The following NFATC3 variants were observed in gnomAD, a reference collection of about 807,000 sequenced individuals.
The protein encoded by NFATC3 is nuclear factor of activated T-cells, cytoplasmic 3.
Under a neutral mutation model 98.6 loss-of-function variants are expected in NFATC3, and 46 were observed. That is an observed-to-expected ratio of 0.47 (90% confidence interval 0.37 to 0.60). The LOEUF (loss-of-function observed/expected upper bound fraction) is 0.60. Among genes scored for constraint, NFATC3 ranks in the 20% least tolerant of loss-of-function variants. The pLI is 0.00. For synonymous variants in NFATC3, 512 were observed against 472.2 expected (o/e 1.08, Z -1.09); for missense variants, 1,256 against 1,295.5 (o/e 0.97, Z 0.47).
rs1567535582 is a variant in NFATC3 at position 68,178,346 on chromosome 16, C to CTAA, written c.1916-3128_1916-3127insAAT. 2.6e-5 allele frequency among the ~76,000 whole-genome samples: 4 copies of CTAA among 152,284 alleles called. No homozygotes were observed. In the East Asian group the frequency reaches 7.7e-4, roughly 29 times the overall value. On this transcript the variant is annotated intron_variant, in intron 6 of 9. Coordinates refer to ENST00000346183, the MANE Select transcript of NFATC3 (RefSeq NM_173165.3). ...GGAAGTATGTGGCTGTCTTATTCTCCTTTAAAATTAACTTCCCTTCAACCC... is the reference window on the plus strand; with the variant it reads ...GGAAGTATGTGGCTGTCTTATTCTCCTAATTTAAAATTAACTTCCCTTCAACCC...
intron 3 of NFATC3, among the ~76,000 whole-genome samples, chr16:68,135,229 TGGAC>T (rs990398181): frequency 6.6e-6 from 1 of 151,886 alleles, no homozygotes; most frequent in Middle Eastern, 3.2e-3. Flanking sequence ...GAGGCCGAGA[TGGAC>T]GGATCATAAG....
chr16:68,132,464 T>C (rs937964480), intron 3 of NFATC3, among the ~76,000 whole-genome samples: 1 of 152,200 alleles, frequency 6.6e-6, no homozygotes, highest in Non-Finnish European at 1.5e-5. Flanking sequence ...TAAATTAGTA[T>C]AGCCATGATG....
In NFATC3 at chr16:68,228,795, T is replaced by C. The variant is rs891592656; in HGVS notation, c.*2324T>C. On this transcript the variant is annotated 3_prime_UTR_variant, in exon 10 of 10. Coordinates refer to ENST00000346183, the MANE Select transcript of NFATC3 (RefSeq NM_173165.3). ...TGCTAGTACGCACCCCCTCCTACTCTAACTGTGCTAGCTCTTGGGTTGAGG... is the reference window on the plus strand; with the variant it reads ...TGCTAGTACGCACCCCCTCCTACTCCAACTGTGCTAGCTCTTGGGTTGAGG... 2.6e-5 allele frequency: 4 copies of C among 152,432 alleles called. No homozygotes were observed. The highest frequency in any genetic ancestry group is 9.6e-5 in the African/African-American group (4 of 41,458). The allele number at this position is 152,432 out of a possible 1,614,324, so 9.4% of individuals were successfully genotyped here.
At position 68,195,488 on chromosome 16, in the gene NFATC3, AGTGAGACC is replaced by A. The variant is rs199890789; in HGVS notation, c.3106+3714_3106+3721del. On this transcript the variant is annotated intron_variant, in intron 9 of 9. Coordinates refer to ENST00000346183, the MANE Select transcript of NFATC3 (RefSeq NM_173165.3). ...AGTTCGAGTCCAGTCTTGCCAATAT[AGTGAGACC>A]CTGTCTCTAAAATTGAAAAAAAAAT... Among the ~76,000 whole-genome samples, 572 of 152,056 alleles carry A rather than the reference AGTGAGACC, an allele frequency of 3.8e-3. 7 individuals carry two copies. The East Asian group carries it at 0.056, about 15-fold the overall frequency.
chr16:68,125,503 G>T (rs1355706016), intron 2 of NFATC3, among the ~76,000 whole-genome samples: 1 of 152,138 alleles, frequency 6.6e-6, no homozygotes, highest in African/African-American at 2.4e-5. Flanking sequence ...ACTTCAAATT[G>T]CAGTATATTG....
intron 3 of NFATC3, among the ~76,000 whole-genome samples, chr16:68,141,184 AC>A (rs1248909316): frequency 2.0e-5 from 3 of 151,696 alleles, no homozygotes; most frequent in Admixed American, 2.0e-4. Context: ...TAGATATACC[AC>A]ATTTTCTTCA....
At chr16:68,175,651 C>T (rs1028051419) in intron 6 of NFATC3, among the ~76,000 whole-genome samples, 2 of 151,936 alleles carry the variant, frequency 1.3e-5, no homozygotes, top group African/African-American at 2.4e-5. Context: ...CCTCCGCCTC[C>T]TAGGTTAAAG....
intron 3 of NFATC3, among the ~76,000 whole-genome samples, chr16:68,144,237 T>G (rs2037911925): frequency 6.6e-6 from 1 of 152,174 alleles, no homozygotes. Context: ...CATTGAGTTA[T>G]CATTACATAC....
At chr16:68,100,904 T>G (rs62057362) in intron 1 of NFATC3, among the ~76,000 whole-genome samples, 20 of 139,760 alleles carry the variant, frequency 1.4e-4, no homozygotes, top group African/African-American at 2.3e-4. Context: ...TGTGTGTGTG[T>G]GGGGTGTGTG....
rs775255036 is a variant in NFATC3, at chr16:68,122,434, C to T, written c.551C>T (p.Ser184Leu). 7.4e-6 allele frequency: 12 copies of T among 1,613,964 alleles called. No homozygotes were observed. In the East Asian group the frequency reaches 1.3e-4, roughly 18 times the overall value. The part of the protein sequence containing the change: ...SWFSDASSCE[S>L]LSHIYDDVDS... ...TTCTCTGATGCATCTTCTTGTGAATCGCTTTCACATATTTATGATGATGTG... is the reference window on the plus strand; with the variant it reads ...TTCTCTGATGCATCTTCTTGTGAATTGCTTTCACATATTTATGATGATGTG... The change falls in exon 2 of 10, where the codon TCG becomes TTG. Residue 184 changes from serine (S) to leucine (L), a missense_variant. Physicochemically the swap from Ser to Leu is moderately radical, Grantham distance 145. Coordinates refer to ENST00000346183, the MANE Select transcript of NFATC3 (RefSeq NM_173165.3).
intron 3 of NFATC3, among the ~76,000 whole-genome samples, chr16:68,141,773 C>T (rs1205612525): frequency 3.3e-5 from 5 of 151,852 alleles, no homozygotes; most frequent in South Asian, 2.1e-4. Context: ...CTGTTTATTG[C>T]GATGATTATT....
intron 1 of NFATC3, among the ~76,000 whole-genome samples, chr16:68,105,145 C>A (rs935235437): frequency 7.0e-6 from 1 of 142,926 alleles, no homozygotes; most frequent in African/African-American, 2.6e-5. Flanking sequence ...GGCTGGAGTA[C>A]ACTGGTATGA....
intron 3 of NFATC3, among the ~76,000 whole-genome samples, chr16:68,131,239 G>A (rs932889695): frequency 2.0e-5 from 3 of 152,046 alleles, no homozygotes; most frequent in Non-Finnish European, 4.4e-5. Context: ...GTGTTTGGTA[G>A]TGCTTATTGA....
At chr16:68,169,597 GT>G (rs1371690702) in intron 5 of NFATC3, among the ~76,000 whole-genome samples, 1 of 151,970 alleles carries the variant, frequency 6.6e-6, no homozygotes, top group Non-Finnish European at 1.5e-5. Flanking sequence ...TAGTTTGAGT[GT>G]TTGAGATGAA....
At chr16:68,194,070 T>C (rs74692270) in intron 9 of NFATC3, among the ~76,000 whole-genome samples, 4,891 of 152,284 alleles carry the variant, frequency 0.032, 116 homozygotes, top group Non-Finnish European at 0.047. Flanking sequence ...CTATTTATTA[T>C]CTAATCTAAT....
chr16:68,188,664 A>G (rs1231280505), intron 8 of NFATC3, among the ~76,000 whole-genome samples: 1 of 152,198 alleles, frequency 6.6e-6, no homozygotes, highest in African/African-American at 2.4e-5. Flanking sequence ...TATCCAGTGA[A>G]GGGATGATCA....
chr16:68,205,999 G>T (rs2041130766), intron 9 of NFATC3, among the ~76,000 whole-genome samples: 5 of 151,312 alleles, frequency 3.3e-5, no homozygotes, highest in Admixed American at 3.3e-4. Context: ...CCAAATCTAT[G>T]ATCTCTTTCA....
chr16:68,173,036 C>G lies in NFATC3; in HGVS notation c.1775-1338C>G, dbSNP rs2039535760. ...CTTTGGGAGGCCAATGTGGGAGGAT[C>G]ACTTGAGCCCAGGAGTTCGAGAACA... On this transcript the variant is annotated intron_variant, in intron 5 of 9. Coordinates refer to ENST00000346183, the MANE Select transcript of NFATC3 (RefSeq NM_173165.3). 2.0e-5 allele frequency among the ~76,000 whole-genome samples: 3 copies of G among 151,220 alleles called. No homozygotes were observed. In the South Asian group the frequency reaches 6.3e-4, roughly 32 times the overall value.
At chr16:68,214,660 A>AAGTCC (rs1016448030) in intron 9 of NFATC3, among the ~76,000 whole-genome samples, 3 of 152,146 alleles carry the variant, frequency 2.0e-5, no homozygotes, top group African/African-American at 7.2e-5. Context: ...AATGAAAGGG[A>AAGTCC]AGTGTTTACT....
Sources: allele counts gnomAD v4.1 joint callset (sites outside exome capture counted in the v4.1 genomes callset), GRCh38; gene constraint gnomAD v4.1.1; transcripts MANE v1.5; gene names NCBI Gene and HGNC (gene_info 2026-07-23, HGNC 2026-07-21).